Variants in RASAL1 observed in about 807,000 individuals in gnomAD.
RASAL1 encodes rasGAP-activating-like protein 1.
A neutral mutation model predicts 96.6 loss-of-function variants in RASAL1; 72 were observed. That is an observed-to-expected ratio of 0.75 (90% CI 0.62 to 0.91). The LOEUF (loss-of-function observed/expected upper bound fraction) is 0.91. RASAL1 is among the 40% of genes least tolerant of loss of function. The probability of loss-of-function intolerance (pLI) is 0.00; values close to 1 mark genes in which losing one functional copy is unlikely to be tolerated. For missense variants in RASAL1, 1,016 were observed against 1,072.5 expected, an observed-to-expected ratio of 0.95 and a Z score of 0.74; for synonymous variants, 405 against 430.4, an observed-to-expected ratio of 0.94 and a Z score of 0.73.
At chr12:113,124,868 C>T (rs1484144935) in intron 4 of RASAL1, among the ~76,000 whole-genome samples, 1 of 152,226 alleles carries the variant, frequency 6.6e-6, no homozygotes, top group African/African-American at 2.4e-5. Context: ...AGACAATTAA[C>T]AGTCATGTAG....
At chr12:113,109,009 T>C (rs1592901878) in intron 13 of RASAL1, among the ~76,000 whole-genome samples, 1 of 147,744 alleles carries the variant, frequency 6.8e-6, no homozygotes, top group Non-Finnish European at 1.5e-5. Context: ...CAGTTTTTGT[T>C]TTGCTTTTTT....
In RASAL1 at chr12:113,115,260, G is replaced by T; in HGVS notation, c.1008C>A (p.Asp336Glu). 6.2e-7 allele frequency: 1 copy of T among 1,613,474 alleles called. No individual in the cohort carries two copies. The highest frequency in any genetic ancestry group is 1.1e-5 in the South Asian group (1 of 91,068). Residue 336 changes from aspartate (D) to glutamate (E), a missense_variant, in exon 11 of 21, where the codon GAC (aspartate) becomes GAA (glutamate). By Grantham distance (45) the Asp-to-Glu change is conservative. Coordinates refer to ENST00000548055, the MANE Select transcript of RASAL1 (RefSeq NM_001301202.2). This position sits in a 1 kb window ranked among gnomAD's most constrained non-coding sequence, Gnocchi z 4.1. ...AGTTAGAACGGAAGAGGGTGTTGGG[G>T]TCCACTGGGAGGACAGGAGGAAGTG... ...LTRREVARTM[D>E]PNTLFRSNSL...
At chr12:113,128,325 C>G in intron 2 of RASAL1, 147 bp from the exon 3 acceptor site, 1 of 594,690 alleles carries the variant, frequency 1.7e-6, no homozygotes. Flanking sequence ...CCACATGAAC[C>G]CAGTTAGAGG....
intron 16 of RASAL1, among the ~76,000 whole-genome samples, chr12:113,105,177 G>A (rs921139039): frequency 4.6e-5 from 7 of 152,220 alleles, no homozygotes; most frequent in Non-Finnish European, 7.3e-5. Flanking sequence ...CACGTGTCTC[G>A]GGGCATTCTA....
chr12:113,116,099 A>G, intron 8 of RASAL1, 48 bp from the exon 9 acceptor site: 1 of 1,475,564 alleles, frequency 6.8e-7, no homozygotes, highest in Non-Finnish European at 9.1e-7. Flanking sequence ...GCCGAACACG[A>G]TGGCTCACGC....
At chr12:113,128,245 GACACACAC>G (rs4007310) in intron 2 of RASAL1, 67 bp from the exon 3 acceptor site, 46,105 of 565,978 alleles carry the variant, frequency 0.081, 975 homozygotes, top group African/African-American at 0.11. Flanking sequence ...TGGAGACCCA[GACACACAC>G]ACACACACAC....
Position 113,115,934 on chromosome 12 carries a change from C to A in RASAL1, c.849G>T (p.Glu283Asp), listed in dbSNP as rs754453077. ...AGCATTGCTTGCCTGACGCACCCAC[C>A]TCTGCTGGCCCCTGCACAGACTCCA... ...LLMESVQGPAEEDTASPLALL... is the reference protein window; with the variant it reads ...LLMESVQGPADEDTASPLALL... Residue 283 changes from glutamate to aspartate, a missense_variant and splice_region_variant, in exon 9 of 21, where the codon GAG becomes GAT. By Grantham distance (45) the Glu-to-Asp change is conservative. Coordinates refer to ENST00000548055, the MANE Select transcript of RASAL1 (RefSeq NM_001301202.2). The surrounding 1 kb of genome is among the most constrained non-coding windows in gnomAD (Gnocchi z 4.1). 16 of 1,590,494 alleles carry A rather than the reference C, an allele frequency of 1.0e-5. No homozygotes were observed. The highest frequency in any genetic ancestry group is 1.3e-5 in the African/African-American group (1 of 74,312).
intron 18 of RASAL1, chr12:113,103,741 GCT>G (rs1251755939): frequency 4.2e-6 from 3 of 705,932 alleles, no homozygotes; most frequent in South Asian, 3.7e-5. Flanking sequence ...AGCGTCCTAT[GCT>G]CTTTGTGTAA....
Position 113,129,792 on chromosome 12 carries a change from C to A in RASAL1, c.122+1093G>T, listed in dbSNP as rs1483168212. Reference sequence around the variant, plus strand: ...ACCAACCTCAGATGGACCCCCAGTGCTTCCTCCCAAATACCCTCTTCCCCC... The same window carrying A: ...ACCAACCTCAGATGGACCCCCAGTGATTCCTCCCAAATACCCTCTTCCCCC... On this transcript the variant is annotated intron_variant, in intron 2 of 20. Transcript: ENST00000548055. The surrounding 1 kb of genome is among the most constrained non-coding windows in gnomAD (Gnocchi z 5.0). Among the ~76,000 whole-genome samples, 1 of 152,214 alleles carries A rather than the reference C, an allele frequency of 6.6e-6. No individual in the cohort carries two copies. Among genetic ancestry groups the A allele is most frequent in the Non-Finnish European group, 1.5e-5 (1 of 68,028 alleles).
chr12:113,123,065 A>C (rs1283330669), intron 4 of RASAL1, among the ~76,000 whole-genome samples: 1 of 152,204 alleles, frequency 6.6e-6, no homozygotes, highest in Non-Finnish European at 1.5e-5. Flanking sequence ...TTTGACAATT[A>C]TACTTACCTC....
At chr12:113,101,830 G>A (rs1018683505) in intron 19 of RASAL1, 59 bp downstream of exon 19, 8 of 1,577,708 alleles carry the variant, frequency 5.1e-6, no homozygotes, top group African/African-American at 1.4e-5. Flanking sequence ...GCAAGGCCAC[G>A]GTGGGGGGCT....
chr12:113,113,575 T>G (rs1950953146), intron 12 of RASAL1, among the ~76,000 whole-genome samples: 1 of 152,208 alleles, frequency 6.6e-6, no homozygotes, highest in South Asian at 2.1e-4. Context: ...TGCTCTGTAA[T>G]TTCCTGGCTG....
At chr12:113,106,104 C>CCT (rs1000978819) in intron 15 of RASAL1, among the ~76,000 whole-genome samples, 1 of 152,164 alleles carries the variant, frequency 6.6e-6, no homozygotes, top group Non-Finnish European at 1.5e-5. Flanking sequence ...CCCTTGAAGA[C>CCT]CTCTCTCCAA....
intron 12 of RASAL1, among the ~76,000 whole-genome samples, chr12:113,113,316 G>A (rs7962821): frequency 0.11 from 16,703 of 152,084 alleles, 1,108 homozygotes; most frequent in Middle Eastern, 0.19. Context: ...ACTTGTTCCC[G>A]TTTAACAGAT....
intron 2 of RASAL1, among the ~76,000 whole-genome samples, 157 bp from the exon 3 acceptor site, chr12:113,128,335 G>C (rs1028699604): frequency 3.4e-4 from 49 of 143,232 alleles, no homozygotes; most frequent in Non-Finnish European, 4.7e-4. Context: ...CCAGTTAGAG[G>C]CCCAGACACA....
Position 113,119,242 on chromosome 12 carries a change from G to A in RASAL1, c.528C>T (p.Arg176=). The A allele has an allele frequency of 3.1e-6, 5 of 1,613,600 alleles. No individual in the cohort carries two copies. The highest frequency in any genetic ancestry group is 4.2e-6 in the Non-Finnish European group (5 of 1,179,532). The change falls in exon 7 of 21, where the codon CGC becomes CGT. Residue 176 remains arginine, a synonymous_variant. Transcript: ENST00000548055. ...SLETSTIKKT[R]FPHWDEVLEL... ...CCAGCACTTCATCCCAGTGCGGGAAGCGAGTCTTCTTGATGGTCTGAGGGC... is the reference window on the plus strand; with the variant it reads ...CCAGCACTTCATCCCAGTGCGGGAAACGAGTCTTCTTGATGGTCTGAGGGC...
At chr12:113,135,792 C>T (rs1951893751), upstream of RASAL1, 1 of 257,324 alleles carries the variant, frequency 3.9e-6, no homozygotes, top group Admixed American at 5.1e-5. This position sits in a 1 kb window ranked among gnomAD's most constrained non-coding sequence, Gnocchi z 5.7. Flanking sequence ...GGCCCAGGGA[C>T]CTCCCCACAA....
At chr12:113,128,588 G>C (rs1951582821) in intron 2 of RASAL1, among the ~76,000 whole-genome samples, 1 of 151,804 alleles carries the variant, frequency 6.6e-6, no homozygotes, top group South Asian at 2.1e-4. Flanking sequence ...TAAGGTCCCA[G>C]ATACACAGAG....
Position 113,104,189 on chromosome 12 carries a change from G to A in RASAL1, c.1940C>T (p.Ala647Val), listed in dbSNP as rs974858663. Residue 647 changes from alanine to valine, a missense_variant, in exon 17 of 21, where the codon GCG (alanine) becomes GTG (valine). Ala to Val is a moderately conservative substitution (Grantham distance 64, BLOSUM62 0). Coordinates refer to ENST00000548055, the MANE Select transcript of RASAL1 (RefSeq NM_001301202.2). ...GCACTGGAGGTAGGTGGTGTGCAGC[G>A]CCCCCGTGCCGTCCTGCGTCACCAC... ...MQVVTQDGTG[A>V]LHTTYLQCKN... 6.2e-7 allele frequency: 1 copy of A among 1,611,352 alleles called. No individual in the cohort carries two copies. Among genetic ancestry groups the A allele is most frequent in the South Asian group, 1.1e-5 (1 of 90,756 alleles).
Sources: gnomAD v4.1 joint callset for allele counts (sites outside exome capture counted in the v4.1 genomes callset) on GRCh38, gnomAD v4.1.1 for gene constraint, Gnocchi (gnomAD v3.1) non-coding constraint, MANE v1.5 for transcripts, NCBI Gene and HGNC (gene_info 2026-07-23, HGNC 2026-07-21) for gene names.